Variants in RB1 observed in about 807,000 individuals in gnomAD.
RB1 encodes the protein retinoblastoma-associated protein.
A neutral mutation model predicts 135.4 loss-of-function variants in RB1; 18 were observed. That is an observed-to-expected ratio of 0.13 (90% CI 0.09 to 0.20). The LOEUF is 0.20. Ranked by LOEUF, RB1 falls within the 10% of genes least tolerant of loss-of-function variation. The pLI is 1.00. For missense variants in RB1, 868 were observed against 1,110.0 expected (o/e 0.78, Z 3.10); for synonymous variants, 365 against 373.2 (o/e 0.98, Z 0.25).
intron 2 of RB1, among the ~76,000 whole-genome samples, chr13:48,321,398 C>T (rs1232702501): frequency 1.4e-5 from 2 of 146,722 alleles, no homozygotes; most frequent in African/African-American, 4.9e-5. Flanking sequence ...CGCCTCCCCG[C>T]GCGCCGCTGC....
intron 6 of RB1, among the ~76,000 whole-genome samples, chr13:48,349,787 C>T (rs1216291402): frequency 6.6e-6 from 1 of 151,952 alleles, no homozygotes; most frequent in Non-Finnish European, 1.5e-5. Flanking sequence ...GATCTGTTTC[C>T]TACAAGAAAC....
intron 2 of RB1, among the ~76,000 whole-genome samples, chr13:48,307,817 C>G (rs981058615): frequency 1.3e-5 from 2 of 150,698 alleles, no homozygotes; most frequent in African/African-American, 4.9e-5. Flanking sequence ...GAGCCGAGAT[C>G]GTGCCACTGC....
chr13:48,412,713 C>A (rs1348122978), intron 17 of RB1: 1 of 460,380 alleles, frequency 2.2e-6, no homozygotes, highest in Non-Finnish European at 4.1e-6. Context: ...TTAAAAAATA[C>A]AGTCAACGAG....
intron 13 of RB1, 98 bp downstream of exon 13, chr13:48,377,132 G>T: frequency 7.8e-7 from 1 of 1,274,620 alleles, no homozygotes; most frequent in Non-Finnish European, 1.1e-6. Flanking sequence ...TATTTGTCTA[G>T]TAGTATAAAA....
intron 6 of RB1, 98 bp downstream of exon 6, chr13:48,349,121 ACTC>A: frequency 2.4e-6 from 3 of 1,265,814 alleles, no homozygotes; most frequent in Non-Finnish European, 3.2e-6. Context: ...TGAGTAATGT[ACTC>A]CTCCCTCATT....
intron 2 of RB1, among the ~76,000 whole-genome samples, chr13:48,324,387 A>C (rs1373914494): frequency 6.6e-6 from 1 of 150,984 alleles, no homozygotes; most frequent in Non-Finnish European, 1.5e-5. Flanking sequence ...TACCCTTCAC[A>C]GCTTCTGGTA....
chr13:48,467,335 A>C (rs1949452680), intron 23 of RB1, among the ~76,000 whole-genome samples: 1 of 135,028 alleles, frequency 7.4e-6, no homozygotes, highest in African/African-American at 2.7e-5. Context: ...GAGAAATAAA[A>C]TCCTTTACAG....
chr13:48,412,601 GC>G, intron 17 of RB1: 1 of 627,600 alleles, frequency 1.6e-6, no homozygotes, highest in Middle Eastern at 4.3e-4. Flanking sequence ...GAAATTTGTT[GC>G]TGTAAAATTT....
Position 48,317,487 on chromosome 13 carries a change from C to T in RB1, c.264+10081C>T, listed in dbSNP as rs575046586. 1.3e-5 allele frequency: 6 copies of T among 450,828 alleles called. No homozygotes were observed. The East Asian group carries it at 3.1e-4, about 23-fold the overall frequency. 27.9% of individuals were successfully genotyped at this position (450,828 alleles called of 1,614,324 possible). A position where few individuals can be genotyped will look rare whatever the true frequency, so the allele number is the denominator to read the frequency against. Reference sequence around the variant, plus strand: ...GGCTAGGGGTCAGGAAGCCCCGGCTCCCGCAGCCCATGTGAAAGCTCCCCC... The same window carrying T: ...GGCTAGGGGTCAGGAAGCCCCGGCTTCCGCAGCCCATGTGAAAGCTCCCCC... On this transcript the variant is annotated intron_variant, in intron 2 of 26. Transcript: ENST00000267163.
At position 48,313,745 on chromosome 13, in the gene RB1, C is replaced by CTTTTTT. The variant is rs56131979; in HGVS notation, c.264+6355_264+6360dup. ...TATTCCATTGCTCTGTATGTTTATT[C>CTTTTTT]TTTTTTTTTTTTTTTTTTTTTGAGA... On this transcript the variant is annotated intron_variant, in intron 2 of 26. Coordinates refer to ENST00000267163, the MANE Select transcript of RB1 (RefSeq NM_000321.3). Among the ~76,000 whole-genome samples, 64 of 101,954 alleles carry CTTTTTT rather than the reference C, an allele frequency of 6.3e-4. 1 individual carries two copies. Among genetic ancestry groups the CTTTTTT allele is most frequent in the Non-Finnish European group, 9.4e-4 (53 of 56,098 alleles). The allele number at this position is 101,954 out of a possible 152,430, so 66.9% of individuals were successfully genotyped here. A position where few individuals can be genotyped will look rare whatever the true frequency, so the allele number is the denominator to read the frequency against.
intron 16 of RB1, 26 bp from the exon 17 acceptor site, chr13:48,381,221 T>C (rs1176021612): frequency 6.3e-7 from 1 of 1,577,070 alleles, no homozygotes; most frequent in Non-Finnish European, 8.6e-7. Context: ...ATTTCATAAA[T>C]AGTTACTTTT....
At chr13:48,409,322 T>C (rs764547968) in intron 17 of RB1, among the ~76,000 whole-genome samples, 4 of 151,902 alleles carry the variant, frequency 2.6e-5, no homozygotes, top group African/African-American at 4.8e-5. Context: ...CCCCCCACTG[T>C]TATTTTATTG....
chr13:48,383,409 A>C (rs1948551596), intron 17 of RB1, among the ~76,000 whole-genome samples: 1 of 152,072 alleles, frequency 6.6e-6, no homozygotes, highest in African/African-American at 2.4e-5. Context: ...CAGTTTTGTA[A>C]ATTAATGGTT....
chr13:48,371,285 A>C (rs1421711647), intron 11 of RB1, among the ~76,000 whole-genome samples: 2 of 152,242 alleles, frequency 1.3e-5, no homozygotes, highest in Non-Finnish European at 2.9e-5. Flanking sequence ...GAGGAGAATA[A>C]GAAAAAGTGA....
At chr13:48,413,697 T>C (rs552480041) in intron 17 of RB1, among the ~76,000 whole-genome samples, 34 of 152,346 alleles carry the variant, frequency 2.2e-4, no homozygotes, top group Admixed American at 4.6e-4. Context: ...CTCTTTCCTA[T>C]GCAGTTGTAT....
chr13:48,328,124 C>T (rs1952303572), intron 2 of RB1: 2 of 1,042,496 alleles, frequency 1.9e-6, no homozygotes, highest in Middle Eastern at 2.0e-4. Context: ...ATTTTATATT[C>T]CACTCCCATA....
intron 2 of RB1, chr13:48,320,452 G>A: frequency 1.1e-6 from 1 of 901,970 alleles, no homozygotes. Flanking sequence ...AGCAACCCCT[G>A]GAGTAGCGTT....
chr13:48,409,134 GT>G (rs1245482166), intron 17 of RB1, among the ~76,000 whole-genome samples: 1 of 147,420 alleles, frequency 6.8e-6, no homozygotes, highest in Non-Finnish European at 1.5e-5. Context: ...AGTTTTTTGG[GT>G]TTTTTTTCTT....
intron 2 of RB1, chr13:48,333,072 G>A: frequency 2.5e-6 from 1 of 398,358 alleles, no homozygotes; most frequent in Non-Finnish European, 4.4e-6. Context: ...TGAAACTGTG[G>A]AAAGTGAAAC....
Sources: gnomAD v4.1 joint callset for allele counts (sites outside exome capture counted in the v4.1 genomes callset) on GRCh38, gnomAD v4.1.1 for gene constraint, MANE v1.5 for transcripts, NCBI Gene and HGNC (gene_info 2026-07-23, HGNC 2026-07-21) for gene names.